ZNF778: variants seen among roughly 807,000 people sequenced by gnomAD.
The protein encoded by ZNF778 is zinc finger protein 778.
A neutral mutation model predicts 23.9 loss-of-function variants in ZNF778; 37 were observed. That is an observed-to-expected ratio of 1.54 (90% CI 1.19 to 2.03). The LOEUF (loss-of-function observed/expected upper bound fraction) is 2.03, where lower values mean the gene tolerates loss of function less well. ZNF778 is among the 30% of genes most tolerant of loss of function. The pLI is 0.00. For synonymous variants in ZNF778, 483 were observed against 343.9 expected (o/e 1.40, Z -4.48); for missense variants, 1,297 against 934.4 (o/e 1.39, Z -5.06).
Position 89,228,347 on chromosome 16 carries a change from C to T in ZNF778, c.2059C>T (p.His687Tyr), listed in dbSNP as rs1286294574. The T allele has an allele frequency of 4.3e-6, 7 of 1,613,606 alleles. No homozygotes were observed. Among genetic ancestry groups the T allele is most frequent in the South Asian group, 1.1e-5 (1 of 91,060 alleles). Residue 687 changes from histidine to tyrosine, a missense_variant, in exon 7 of 7, where the codon CAC becomes TAC. Transcript: ENST00000433976. ...TGGGAAAGCCTTCCGTGCCTCCTCTCACCTGCATAAACATGGAAGAATTCA... is the reference window on the plus strand; with the variant it reads ...TGGGAAAGCCTTCCGTGCCTCCTCTTACCTGCATAAACATGGAAGAATTCA... The part of the protein sequence containing the change: ...ECGKAFRASS[H>Y]LHKHGRIHTG...
rs140924216 is a variant in ZNF778, at chr16:89,232,542, T to G, written c.*3980T>G. On this transcript the variant is annotated 3_prime_UTR_variant, in exon 7 of 7. Transcript: ENST00000433976. ...CTCTCAGAACGTGTTCTGTGTCACT[T>G]AGGGCAACTTATGCCCTCCTGTGTG... is the stretch of plus-strand genomic sequence containing the variant. 2 of 965,792 alleles carry G rather than the reference T, an allele frequency of 2.1e-6. No homozygotes were observed. Among genetic ancestry groups the G allele is most frequent in the East Asian group, 1.2e-4 (2 of 16,276 alleles). The allele number at this position is 965,792 out of a possible 1,614,324, so 59.8% of individuals were successfully genotyped here.
rs768868391 is a variant in ZNF778, at chr16:89,228,266, C to T, written c.1978C>T (p.Leu660Phe). 1 of 1,605,646 alleles carries T rather than the reference C, an allele frequency of 6.2e-7. No individual in the cohort carries two copies. The change falls in exon 7 of 7, where the codon CTT (leucine) becomes TTT (phenylalanine). Residue 660 changes from leucine to phenylalanine, a missense_variant. By Grantham distance (22) the Leu-to-Phe change is conservative. Coordinates refer to ENST00000433976, the MANE Select transcript of ZNF778 (RefSeq NM_001201407.2). ...CGKAFASSSH[L>F]IEHRRTHTGE... ...GAAAGCCTTTGCTTCCTCCTCACAC[C>T]TTATCGAACACAGAAGGACTCACAC...
In ZNF778 at chr16:89,233,644, G is replaced by A. The variant is rs546251182; in HGVS notation, c.*5082G>A. Reference sequence around the variant, plus strand: ...ACTCACACTGTATGCAACTCAGCTCGCTCTGCATATGCAATTCAACTCGCA... The same window carrying A: ...ACTCACACTGTATGCAACTCAGCTCACTCTGCATATGCAATTCAACTCGCA... On this transcript the variant is annotated 3_prime_UTR_variant, in exon 7 of 7. Coordinates refer to ENST00000433976, the MANE Select transcript of ZNF778 (RefSeq NM_001201407.2). 3.5e-5 allele frequency: 40 copies of A among 1,141,144 alleles called. No individual in the cohort carries two copies. Among genetic ancestry groups the A allele is most frequent in the Middle Eastern group, 2.3e-4 (1 of 4,306 alleles). The allele number at this position is 1,141,144 out of a possible 1,614,324, so 70.7% of individuals were successfully genotyped here.
chr16:89,225,536 C>CG lies in ZNF778; in HGVS notation c.329-19_329-18insG, dbSNP rs772919939. 4 of 632,402 alleles carry CG rather than the reference C, an allele frequency of 6.3e-6. No homozygotes were observed. The highest frequency in any genetic ancestry group is 1.1e-5 in the Non-Finnish European group (4 of 372,278). 39.2% of individuals were successfully genotyped at this position (632,402 alleles called of 1,614,324 possible). On this transcript the variant is annotated intron_variant, in intron 5 of 6. Coordinates refer to ENST00000433976, the MANE Select transcript of ZNF778 (RefSeq NM_001201407.2). The stretch of plus-strand genomic sequence containing the variant: ...CCAATGAGTTTGATCGTTTTTAGGT[C>CG]ATTCTTCTTTCTTTTCAGAATGGCG...
rs1210582295 is a variant in ZNF778, at chr16:89,236,514, C to G, written c.*7952C>G. 1 of 151,996 alleles carries G rather than the reference C, an allele frequency of 6.6e-6. No individual in the cohort carries two copies. The highest frequency in any genetic ancestry group is 1.5e-5 in the Non-Finnish European group (1 of 67,996). The allele number at this position is 151,996 out of a possible 1,614,324, so 9.4% of individuals were successfully genotyped here. On this transcript the variant is annotated 3_prime_UTR_variant, in exon 7 of 7. Transcript: ENST00000433976. ...AGAAAACTCTTAAGGAAACCTGGAA[C>G]AAAGGAAAAGCAATAGAAGAGTAAA...
chr16:89,218,463 C>T (rs968254959), intron 1 of ZNF778, among the ~76,000 whole-genome samples: 2 of 152,196 alleles, frequency 1.3e-5, no homozygotes, highest in Non-Finnish European at 2.9e-5. Flanking sequence ...GGACATTATC[C>T]TACTGAAACC....
chr16:89,220,459 C>T (rs994294909), intron 1 of ZNF778, among the ~76,000 whole-genome samples: 13 of 152,142 alleles, frequency 8.5e-5, no homozygotes, highest in African/African-American at 2.9e-4. Context: ...AGATCAAGAC[C>T]ATCCTGGCTA....
chr16:89,227,639 T>C lies in ZNF778; in HGVS notation c.1351T>C (p.Cys451Arg). The change falls in exon 7 of 7, where the codon TGT (cysteine) becomes CGT (arginine). Residue 451 changes from cysteine to arginine, a missense_variant. Transcript: ENST00000433976. ...ACACACGGGCGAGAAGCCATACACG[T>C]GTAAGGACTGCGGGAAAGCCTTCTG... ...RTHTGEKPYT[C>R]KDCGKAFCTS... 1 of 1,614,136 alleles carries C rather than the reference T, an allele frequency of 6.2e-7. No individual in the cohort carries two copies. Among genetic ancestry groups the C allele is most frequent in the Non-Finnish European group, 8.5e-7 (1 of 1,179,976 alleles).
rs2031601935 is a variant in ZNF778, at chr16:89,227,552, A to G, written c.1264A>G (p.Thr422Ala). Reference protein sequence around the residue: ...VRIHTGIKPYTCSYCGKAFTV... With the variant: ...VRIHTGIKPYACSYCGKAFTV... ...AATTCACACTGGAATAAAACCCTAT[A>G]CATGCAGCTACTGTGGGAAGGCCTT... Residue 422 changes from threonine to alanine, a missense_variant, in exon 7 of 7, where the codon ACA (threonine) becomes GCA (alanine). Thr to Ala is a moderately conservative substitution (Grantham distance 58). Transcript: ENST00000433976. 1.2e-6 allele frequency: 2 copies of G among 1,613,874 alleles called. No homozygotes were observed. The highest frequency in any genetic ancestry group is 1.7e-5 in the Admixed American group (1 of 59,982).
rs959033007 is a variant in ZNF778 at position 89,236,731 on chromosome 16, C to A, written c.*8169C>A. 1.3e-5 allele frequency: 2 copies of A among 152,142 alleles called. No individual in the cohort carries two copies. Among genetic ancestry groups the A allele is most frequent in the East Asian group, 3.8e-4 (2 of 5,202 alleles). 9.4% of individuals were successfully genotyped at this position (152,142 alleles called of 1,614,324 possible). Reference sequence around the variant, plus strand: ...CGTGCTCCATTTCAGTGGCAAAATACCATTCCAGAAGGACTGGAAAAGCTA... The same window carrying A: ...CGTGCTCCATTTCAGTGGCAAAATAACATTCCAGAAGGACTGGAAAAGCTA... On this transcript the variant is annotated 3_prime_UTR_variant, in exon 7 of 7. Transcript: ENST00000433976.
In ZNF778 at chr16:89,231,556, C is replaced by G. The variant is rs1045441542; in HGVS notation, c.*2994C>G. The G allele has an allele frequency of 1.3e-5, 2 of 152,196 alleles. No individual in the cohort carries two copies. Among genetic ancestry groups the G allele is most frequent in the African/African-American group, 4.8e-5 (2 of 41,434 alleles). The allele number at this position is 152,196 out of a possible 1,614,324, so 9.4% of individuals were successfully genotyped here. A position where few individuals can be genotyped will look rare whatever the true frequency, so the allele number is the denominator to read the frequency against. The stretch of plus-strand genomic sequence containing the variant: ...CCTCCTCAGCAGCGATGCCCATGGA[C>G]TGGGGTTCCTAAGGCACAAATTTGA... On this transcript the variant is annotated 3_prime_UTR_variant, in exon 7 of 7. Transcript: ENST00000433976.
Position 89,227,499 on chromosome 16 carries a change from A to G in ZNF778, c.1211A>G (p.Asn404Ser), listed in dbSNP as rs770672308. 27 of 1,613,648 alleles carry G rather than the reference A, an allele frequency of 1.7e-5. No individual in the cohort carries two copies. Among genetic ancestry groups the G allele is most frequent in the Non-Finnish European group, 2.3e-5 (27 of 1,179,822 alleles). Residue 404 changes from asparagine to serine, a missense_variant, in exon 7 of 7, where the codon AAT (asparagine) becomes AGT (serine). Coordinates refer to ENST00000433976, the MANE Select transcript of ZNF778 (RefSeq NM_001201407.2). ...GTGGTTTGCGGAAAATATTTTAGAAATTCCTCATGCCTTAATAATCATGTT... is the reference window on the plus strand; with the variant it reads ...GTGGTTTGCGGAAAATATTTTAGAAGTTCCTCATGCCTTAATAATCATGTT... ...ACVVCGKYFR[N>S]SSCLNNHVRI...
chr16:89,222,536 G>C (rs2031057250), intron 3 of ZNF778, among the ~76,000 whole-genome samples: 1 of 152,162 alleles, frequency 6.6e-6, no homozygotes, highest in African/African-American at 2.4e-5. Flanking sequence ...GCTAATTTTT[G>C]TATTTTTAGT....
chr16:89,233,589 C>G lies in ZNF778; in HGVS notation c.*5027C>G. The G allele has an allele frequency of 8.8e-7, 1 of 1,134,890 alleles. No homozygotes were observed. Among genetic ancestry groups the G allele is most frequent in the Non-Finnish European group, 1.2e-6 (1 of 866,110 alleles). The allele number at this position is 1,134,890 out of a possible 1,614,324, so 70.3% of individuals were successfully genotyped here. On this transcript the variant is annotated 3_prime_UTR_variant, in exon 7 of 7. Transcript: ENST00000433976. ...CTCAGCTCGCACTGCATATGCAACG[C>G]AACTCAACTCATACTGCATATGCAA...
In ZNF778 at chr16:89,222,154, G is replaced by C. The variant is rs776114895; in HGVS notation, c.88G>C (p.Val30Leu). 2 of 1,605,738 alleles carry C rather than the reference G, an allele frequency of 1.2e-6. No individual in the cohort carries two copies. Among genetic ancestry groups the C allele is most frequent in the Non-Finnish European group, 8.5e-7 (1 of 1,174,584 alleles). ...AGAACAGACACAGGCAGCAGGGATG[G>C]TGGCTGGCTGGCTGATAAATTGTTA... is the stretch of plus-strand genomic sequence containing the variant. ...HEEQTQAAGM[V>L]AGWLINCYQD... The change falls in exon 3 of 7, where the codon GTG (valine) becomes CTG (leucine). Residue 30 changes from valine to leucine, a missense_variant. Physicochemically the swap from Val to Leu is conservative, Grantham distance 32. Transcript: ENST00000433976.
chr16:89,218,790 C>T (rs1235469358), intron 1 of ZNF778, among the ~76,000 whole-genome samples: 1 of 148,814 alleles, frequency 6.7e-6, no homozygotes, highest in Non-Finnish European at 1.5e-5. Context: ...GACTCCGTCT[C>T]AAAAAATAAT....
At chr16:89,225,374 A>G (rs2031381033) in intron 5 of ZNF778, among the ~76,000 whole-genome samples, 181 bp from the exon 6 acceptor site, 1 of 151,868 alleles carries the variant, frequency 6.6e-6, no homozygotes, top group South Asian at 2.1e-4. Context: ...TTTCTTCTTT[A>G]TGGACCAAAT....
rs965457161 is a variant in ZNF778 at position 89,234,421 on chromosome 16, A to G, written c.*5859A>G. On this transcript the variant is annotated 3_prime_UTR_variant, in exon 7 of 7. Transcript: ENST00000433976. ...GTGTTGGTTTGCACTTCTCTTCATT[A>G]CTGATAGTATGAACATGGTTTTGCT... The G allele has an allele frequency of 4.4e-6, 1 of 226,726 alleles. No individual in the cohort carries two copies. The highest frequency in any genetic ancestry group is 8.9e-6 in the Non-Finnish European group (1 of 111,882). The allele number at this position is 226,726 out of a possible 1,614,324, so 14.0% of individuals were successfully genotyped here. A position where few individuals can be genotyped will look rare whatever the true frequency, so the allele number is the denominator to read the frequency against.
At chr16:89,220,028 G>C (rs1158992400) in intron 1 of ZNF778, among the ~76,000 whole-genome samples, 1 of 152,188 alleles carries the variant, frequency 6.6e-6, no homozygotes, top group Non-Finnish European at 1.5e-5. Context: ...TATCCAACCA[G>C]CCTCATGTCA....
Sources: gnomAD v4.1 joint callset for allele counts (sites outside exome capture counted in the v4.1 genomes callset) on GRCh38, gnomAD v4.1.1 for gene constraint, MANE v1.5 for transcripts, NCBI Gene and HGNC (gene_info 2026-07-23, HGNC 2026-07-21) for gene names.